The following PLEKHH2 variants were observed in gnomAD, a reference collection of about 807,000 sequenced individuals.
PLEKHH2 encodes the protein pleckstrin homology, MyTH4 and FERM domain containing H2, also known as pleckstrin homology domain-containing family H member 2.
A neutral mutation model predicts 187.9 loss-of-function variants in PLEKHH2; 129 were observed. The observed-to-expected ratio is 0.69, with a 90% CI of 0.59 to 0.79. The LOEUF is 0.79. Among genes scored for constraint, PLEKHH2 ranks in the 30% least tolerant of loss-of-function variants. The probability of loss-of-function intolerance (pLI) is 0.00; values close to 1 mark genes in which losing one functional copy is unlikely to be tolerated. For synonymous variants in PLEKHH2, 686 were observed against 605.6 expected (o/e 1.13, Z -1.95); for missense variants, 2,076 against 1,751.2 (o/e 1.19, Z -3.31).
intron 1 of PLEKHH2, among the ~76,000 whole-genome samples, chr2:43,643,391 C>T (rs974343349): frequency 1.3e-5 from 2 of 151,998 alleles, no homozygotes; most frequent in African/African-American, 2.4e-5. Flanking sequence ...CTTTTAAGAA[C>T]GATTCTGCTT....
At chr2:43,721,603 G>T (rs1250111923) in intron 16 of PLEKHH2, among the ~76,000 whole-genome samples, 1 of 152,180 alleles carries the variant, frequency 6.6e-6, no homozygotes, top group Non-Finnish European at 1.5e-5. Context: ...CAATACTGAG[G>T]CCAGGCATGA....
intron 25 of PLEKHH2, among the ~76,000 whole-genome samples, chr2:43,754,052 T>C (rs182844785): frequency 1.3e-5 from 2 of 148,672 alleles, no homozygotes; most frequent in Admixed American, 1.3e-4. Flanking sequence ...GCTGTGGGCT[T>C]GAAGATGTCA....
chr2:43,711,183 A>G, intron 14 of PLEKHH2: 4 of 985,510 alleles, frequency 4.1e-6, no homozygotes, highest in Non-Finnish European at 4.8e-6. Flanking sequence ...CAGACACTTT[A>G]TTTCTGAAAT....
intron 23 of PLEKHH2, 84 bp downstream of exon 23, chr2:43,744,073 G>T: frequency 6.7e-7 from 1 of 1,499,534 alleles, no homozygotes. Flanking sequence ...TTTGCAAGAA[G>T]TTTAATTCAG....
chr2:43,677,602 C>A (rs1667886081), intron 2 of PLEKHH2, among the ~76,000 whole-genome samples: 3 of 151,676 alleles, frequency 2.0e-5, no homozygotes, highest in South Asian at 2.1e-4. Context: ...CTACTTCTTT[C>A]CACACAGACA....
intron 2 of PLEKHH2, chr2:43,658,974 T>TTTC (rs1491193061): frequency 2.1e-4 from 9 of 42,390 alleles, no homozygotes; most frequent in Admixed American, 7.1e-4. Context: ...TTTTTCTTTC[T>TTTC]TTTTTTTTTT....
At chr2:43,712,153 A>G in intron 14 of PLEKHH2, 72 bp from the exon 15 acceptor site, 1 of 1,537,288 alleles carries the variant, frequency 6.5e-7, no homozygotes, top group Non-Finnish European at 9.0e-7. Context: ...CGTTTGAATA[A>G]TGAACAAGGA....
chr2:43,694,080 C>G (rs529328132), intron 4 of PLEKHH2, among the ~76,000 whole-genome samples: 39 of 152,250 alleles, frequency 2.6e-4, no homozygotes, highest in Admixed American at 2.1e-3. Flanking sequence ...AGCCATGCCC[C>G]TAAGGAGAGT....
chr2:43,723,955 A>G (rs1165703639), intron 16 of PLEKHH2, among the ~76,000 whole-genome samples: 1 of 152,202 alleles, frequency 6.6e-6, no homozygotes, highest in African/African-American at 2.4e-5. Context: ...CATGTGAGAG[A>G]TGAACAGATT....
At chr2:43,711,594 C>T (rs1356690894) in intron 14 of PLEKHH2, 1 of 976,312 alleles carries the variant, frequency 1.0e-6, no homozygotes, top group South Asian at 4.7e-5. Context: ...CTCCTCATTT[C>T]AATAAGTAGG....
intron 2 of PLEKHH2, chr2:43,675,920 A>G (rs768917810): frequency 1.9e-6 from 3 of 1,614,068 alleles, no homozygotes; most frequent in East Asian, 2.2e-5. Context: ...AACCAGTTGT[A>G]GTTGTCACCA....
Position 43,726,424 on chromosome 2 carries a change from C to T in PLEKHH2, c.2694C>T (p.Tyr898=), listed in dbSNP as rs201858590. The part of the protein sequence containing the change: ...VIHPKDQGPT[Y]LLIGSKHEKD... ...ATCCCAAAGACCAAGGTCCAACTTA[C>T]CTCCTAATTGGATCCAAGCATGAAA... is the stretch of plus-strand genomic sequence containing the variant. The change falls in exon 17 of 30, where the codon TAC becomes TAT. Residue 898 remains tyrosine, a synonymous_variant. Transcript: ENST00000282406. 5.9e-5 allele frequency: 95 copies of T among 1,610,606 alleles called. 2 individuals carry two copies. Among genetic ancestry groups the T allele is most frequent in the Non-Finnish European group, 7.6e-5 (90 of 1,177,070 alleles).
chr2:43,716,795 A>T (rs528645178), intron 15 of PLEKHH2, among the ~76,000 whole-genome samples: 10 of 152,230 alleles, frequency 6.6e-5, no homozygotes, highest in Non-Finnish European at 1.3e-4. Flanking sequence ...TTGCCAATGT[A>T]TGTGAAAATA....
At chr2:43,704,345 A>G (rs878888528) in intron 9 of PLEKHH2, among the ~76,000 whole-genome samples, 2 of 152,142 alleles carry the variant, frequency 1.3e-5, no homozygotes, top group African/African-American at 4.8e-5. Flanking sequence ...TACACTTAAC[A>G]TTACTGAACT....
At position 43,637,283 on chromosome 2, in the gene PLEKHH2, T is replaced by A. The variant is rs112931874; in HGVS notation, c.-100T>A. 1 of 152,332 alleles carries A rather than the reference T, an allele frequency of 6.6e-6. No individual in the cohort carries two copies. The allele number at this position is 152,332 out of a possible 1,614,324, so 9.4% of individuals were successfully genotyped here. ...TTCCCCGCCCTCTCCGAGCTCGGCT[T>A]GAGGCGGGCGCGGGCTGAGAGTCCG... On this transcript the variant is annotated 5_prime_UTR_variant, in exon 1 of 30. Coordinates refer to ENST00000282406, the MANE Select transcript of PLEKHH2 (RefSeq NM_172069.4).
At chr2:43,747,138 G>A (rs751253447) in intron 24 of PLEKHH2, among the ~76,000 whole-genome samples, 1 of 136,104 alleles carries the variant, frequency 7.3e-6, no homozygotes, top group Non-Finnish European at 1.6e-5. Context: ...CTCTCTCGGT[G>A]TTCACCGAGC....
At chr2:43,721,501 C>A (rs1670479065) in intron 16 of PLEKHH2, among the ~76,000 whole-genome samples, 1 of 152,172 alleles carries the variant, frequency 6.6e-6, no homozygotes, top group Non-Finnish European at 1.5e-5. Context: ...ATAGCCTACA[C>A]TCTCAGGTCT....
rs775659580 is a variant in PLEKHH2, at chr2:43,707,546, G to A, written c.1966+1G>A. 1.9e-6 allele frequency: 3 copies of A among 1,613,760 alleles called. No individual in the cohort carries two copies. Among genetic ancestry groups the A allele is most frequent in the Admixed American group, 3.3e-5 (2 of 60,002 alleles). The stretch of plus-strand genomic sequence containing the variant: ...GGCAGCCCCAGAGCCATGAAACGAG[G>A]TGAGGGAAAATCGCAGGCATATGAG... On this transcript the variant is annotated splice_donor_variant, in intron 11 of 29. Transcript: ENST00000282406. LOFTEE classifies it high-confidence loss of function.
In PLEKHH2 at chr2:43,757,112, C is replaced by T. The variant is rs772906488; in HGVS notation, c.3796-7C>T. Reference sequence around the variant, plus strand: ...ATATATTTTCACTTTTGTGGATTTCCAATTAGGTAGAGATTGGAGATTTTG... The same window carrying T: ...ATATATTTTCACTTTTGTGGATTTCTAATTAGGTAGAGATTGGAGATTTTG... On this transcript the variant is annotated splice_polypyrimidine_tract_variant and splice_region_variant and intron_variant, in intron 25 of 29. Coordinates refer to ENST00000282406, the MANE Select transcript of PLEKHH2 (RefSeq NM_172069.4). 3 of 1,552,800 alleles carry T rather than the reference C, an allele frequency of 1.9e-6. No individual in the cohort carries two copies. Among genetic ancestry groups the T allele is most frequent in the Non-Finnish European group, 2.6e-6 (3 of 1,156,880 alleles).
Sources: gnomAD v4.1 joint callset for allele counts (sites outside exome capture counted in the v4.1 genomes callset) on GRCh38, gnomAD v4.1.1 for gene constraint, MANE v1.5 for transcripts, NCBI Gene and HGNC (gene_info 2026-07-23, HGNC 2026-07-21) for gene names.